NUP160: variants seen among roughly 807,000 people sequenced by gnomAD.
NUP160 encodes the protein nucleoporin 160.
Under a neutral mutation model 196.9 loss-of-function variants are expected in NUP160, and 94 were observed. The ratio of observed to expected loss-of-function variants is 0.48; its 90% CI spans 0.40 to 0.57. The LOEUF (loss-of-function observed/expected upper bound fraction) is 0.57, where lower values mean the gene tolerates loss of function less well. NUP160 is among the 20% of genes least tolerant of loss of function. The probability of loss-of-function intolerance (pLI) is 0.00; values close to 1 mark genes in which losing one functional copy is unlikely to be tolerated. For synonymous variants in NUP160, 605 were observed against 619.7 expected, an observed-to-expected ratio of 0.98 and a Z score of 0.35; for missense variants, 1,638 against 1,748.3, an observed-to-expected ratio of 0.94 and a Z score of 1.13.
intron 17 of NUP160, among the ~76,000 whole-genome samples, chr11:47,810,526 G>A (rs938147811): frequency 4.6e-5 from 7 of 151,294 alleles, no homozygotes; most frequent in African/African-American, 1.2e-4. Flanking sequence ...TACCATTAGC[G>A]ATGTATCTGG....
At chr11:47,840,518 G>T (rs149937086) in exon 3 of NUP160, 3 of 1,614,012 alleles carry the variant, frequency 1.9e-6, no homozygotes, top group South Asian at 1.1e-5. Context: ...AATTTTAGGC[G>T]AATGGCATTA....
intron 35 of NUP160, chr11:47,779,436 C>A: frequency 2.1e-6 from 1 of 482,446 alleles, no homozygotes; most frequent in Non-Finnish European, 3.9e-6. Flanking sequence ...GTATGGAAAT[C>A]GTACCAGTAT....
rs149937086 is a variant in NUP160, at chr11:47,840,518, G to A, written c.385C>T (p.Arg129Cys). Reference sequence around the variant, plus strand: ...ACACTGCAATTTTGGAATTTTAGGCGAATGGCATTATTCAACAGATTTATG... The same window carrying A: ...ACACTGCAATTTTGGAATTTTAGGCAAATGGCATTATTCAACAGATTTATG... The change falls in exon 3 of 36, where the codon CGC becomes TGC. Residue 129 changes from arginine (R) to cysteine (C), a missense_variant. Arg to Cys is a radical substitution (Grantham distance 180). Around this residue, in one of 3 missense-constraint regions of NUP160, gnomAD observed 287 missense variants for 259.5 expected, o/e 1.11. Transcript: ENST00000378460. 7 of 1,613,894 alleles carry A rather than the reference G, an allele frequency of 4.3e-6. No homozygotes were observed. The highest frequency in any genetic ancestry group is 1.7e-5 in the Admixed American group (1 of 59,986).
Position 47,840,605 on chromosome 11 carries a change from A to G in NUP160, c.315-17T>C. Reference sequence around the variant, plus strand: ...GAGGTCTTCCTGTTGAAAAAGAGACATTTGTTTGAAAAGTTTATGCTTTTC... The same window carrying G: ...GAGGTCTTCCTGTTGAAAAAGAGACGTTTGTTTGAAAAGTTTATGCTTTTC... On this transcript the variant is annotated splice_polypyrimidine_tract_variant and intron_variant, in intron 2 of 35. Transcript: ENST00000378460. 6.5e-7 allele frequency: 1 copy of G among 1,545,940 alleles called. No homozygotes were observed.
chr11:47,796,152 TAAAAAA>T, intron 27 of NUP160: 13 of 118,162 alleles, frequency 1.1e-4, no homozygotes, highest in South Asian at 2.1e-4. Context: ...AGACTTCATC[TAAAAAA>T]AAAAAAAAAA....
At chr11:47,791,622 T>G (rs1383278146) in intron 29 of NUP160, among the ~76,000 whole-genome samples, 1 of 152,162 alleles carries the variant, frequency 6.6e-6, no homozygotes, top group Non-Finnish European at 1.5e-5. Flanking sequence ...ATTACAGGTG[T>G]GAGCCACCAC....
chr11:47,820,013 T>A (rs1012025603), intron 9 of NUP160, among the ~76,000 whole-genome samples: 6 of 152,320 alleles, frequency 3.9e-5, no homozygotes, highest in Middle Eastern at 6.8e-3. Flanking sequence ...GTGCTTTTTT[T>A]ATCTTCCCAG....
exon 28 of NUP160, chr11:47,792,866 A>C (rs1460800986): frequency 1.9e-6 from 3 of 1,614,054 alleles, no homozygotes; most frequent in African/African-American, 2.7e-5. Flanking sequence ...GCCAGATAAC[A>C]GTTGCCTTGT....
At chr11:47,841,379 A>G in intron 2 of NUP160, 1 of 441,384 alleles carries the variant, frequency 2.3e-6, no homozygotes, top group Middle Eastern at 3.4e-4. Flanking sequence ...TCTTATGCAA[A>G]CTGTGATACA....
At chr11:47,783,949 C>T (rs2097662977) in intron 33 of NUP160, among the ~76,000 whole-genome samples, 1 of 151,882 alleles carries the variant, frequency 6.6e-6, no homozygotes, top group African/African-American at 2.4e-5. Flanking sequence ...CTGCCTTGGC[C>T]TCCCAAAGCG....
At chr11:47,806,789 AT>A (rs1766313299) in intron 19 of NUP160, among the ~76,000 whole-genome samples, 1 of 58,646 alleles carries the variant, frequency 1.7e-5, no homozygotes, top group Admixed American at 2.3e-4. Context: ...GAAAGCAGCT[AT>A]ACACACACAC....
chr11:47,827,261 G>A (rs1851988628), intron 7 of NUP160: 1 of 406,522 alleles, frequency 2.5e-6, no homozygotes, highest in Admixed American at 2.7e-5. Context: ...CTACCTGGGA[G>A]GCTGAGGTGG....
At position 47,806,965 on chromosome 11, in the gene NUP160, G is replaced by C. The variant is rs998846468; in HGVS notation, c.2446+105C>G. The C allele has an allele frequency of 6.5e-6, 5 of 764,256 alleles. No individual in the cohort carries two copies. The African/African-American group carries it at 7.0e-5, about 11-fold the overall frequency. The allele number at this position is 764,256 out of a possible 1,614,324, so 47.3% of individuals were successfully genotyped here. A position where few individuals can be genotyped will look rare whatever the true frequency, so the allele number is the denominator to read the frequency against. On this transcript the variant is annotated intron_variant, in intron 19 of 35. Transcript: ENST00000378460. ...CTTACTCATGCCTTCTGAAAGCAAA[G>C]AGCCTAGCCAACCTTTCTATGGCAA... is the stretch of plus-strand genomic sequence containing the variant.
At chr11:47,836,324 TATAAAATATA>T (rs1370332453) in intron 6 of NUP160, among the ~76,000 whole-genome samples, 1 of 152,216 alleles carries the variant, frequency 6.6e-6, no homozygotes, top group Admixed American at 6.5e-5. Context: ...ATCAGACTTA[TATAAAATATA>T]AGCTGTATTT....
In NUP160 at chr11:47,818,043, T is replaced by A; in HGVS notation, c.1431+13A>T. 2 of 1,571,578 alleles carry A rather than the reference T, an allele frequency of 1.3e-6. No homozygotes were observed. Among genetic ancestry groups the A allele is most frequent in the Non-Finnish European group, 1.7e-6 (2 of 1,147,350 alleles). Reference sequence around the variant, plus strand: ...AAATAGTCTTAAACAAACAGTAAATTTTTTTTGCTGACCTGTAAAGCCTTA... The same window carrying A: ...AAATAGTCTTAAACAAACAGTAAATATTTTTTGCTGACCTGTAAAGCCTTA... On this transcript the variant is annotated intron_variant, in intron 11 of 35. Coordinates refer to ENST00000378460, the Ensembl canonical transcript of NUP160.
At chr11:47,827,283 G>GA in intron 7 of NUP160, 1 of 386,114 alleles carries the variant, frequency 2.6e-6, no homozygotes, top group Non-Finnish European at 5.2e-6. Flanking sequence ...AGGATCGCTT[G>GA]AACCTGAGAG....
At chr11:47,783,339 C>T in intron 33 of NUP160, 141 bp from the exon 34 acceptor site, 1 of 1,086,140 alleles carries the variant, frequency 9.2e-7, no homozygotes, top group South Asian at 1.8e-5. Context: ...TCATCTGTAT[C>T]TTAGGATAAG....
intron 11 of NUP160, among the ~76,000 whole-genome samples, chr11:47,816,287 A>G (rs532981926): frequency 6.6e-6 from 1 of 152,338 alleles, no homozygotes; most frequent in South Asian, 2.1e-4. Flanking sequence ...TTTGGGAATA[A>G]TAACTCCCAC....
At chr11:47,845,653 CCT>C (rs1828233071) in intron 2 of NUP160, among the ~76,000 whole-genome samples, 1 of 152,112 alleles carries the variant, frequency 6.6e-6, no homozygotes, top group East Asian at 1.9e-4. Context: ...CTGCTATATC[CCT>C]GTTCCCTAAA....
Sources: gnomAD v4.1 joint callset for allele counts (sites outside exome capture counted in the v4.1 genomes callset) on GRCh38, gnomAD v4.1.1 for gene constraint, gnomAD v4.1.1 regional missense constraint, MANE v1.5 for transcripts, NCBI Gene and HGNC (gene_info 2026-07-23, HGNC 2026-07-21) for gene names.